GPC6: variants seen among roughly 807,000 people sequenced by gnomAD.
The protein encoded by GPC6 is glypican-6.
In GPC6, 14 loss-of-function variants were observed where a neutral mutation model predicts 55.2. That is an observed-to-expected ratio of 0.25 (90% CI 0.17 to 0.40). GPC6 has a LOEUF of 0.40. GPC6 is among the 10% of genes least tolerant of loss of function. GPC6 has a pLI of 1.00. For synonymous variants in GPC6, 278 were observed against 259.6 expected (o/e 1.07, Z -0.68); for missense variants, 641 against 708.5 (o/e 0.90, Z 1.08).
At chr13:93,313,664 T>A (rs1323225642) in intron 1 of GPC6, among the ~76,000 whole-genome samples, 1 of 152,132 alleles carries the variant, frequency 6.6e-6, no homozygotes, top group African/African-American at 2.4e-5. Context: ...TAATAGATTT[T>A]TTTTTTAAAG....
At chr13:93,783,527 CTGGGG>C (rs1395999832) in intron 2 of GPC6, among the ~76,000 whole-genome samples, 1 of 152,126 alleles carries the variant, frequency 6.6e-6, no homozygotes, top group Non-Finnish European at 1.5e-5. Context: ...GCCATTCTGA[CTGGGG>C]TGAGATTATT....
intron 3 of GPC6, among the ~76,000 whole-genome samples, chr13:93,895,234 G>GTGTGTGTGTGTGTATATA (rs1196315147): frequency 9.2e-6 from 1 of 108,208 alleles, no homozygotes; most frequent in African/African-American, 3.7e-5. Context: ...GTGTGTGTGT[G>GTGTGTGTGTGTGTATATA]TATATATATA....
intron 5 of GPC6, among the ~76,000 whole-genome samples, chr13:94,304,906 A>G (rs1337147305): frequency 1.3e-5 from 2 of 152,194 alleles, no homozygotes; most frequent in African/African-American, 4.8e-5. Flanking sequence ...TTTCTATACC[A>G]CTGCTCAAGA....
intron 3 of GPC6, among the ~76,000 whole-genome samples, chr13:93,967,331 T>C (rs1880094092): frequency 6.6e-6 from 1 of 152,200 alleles, no homozygotes; most frequent in Non-Finnish European, 1.5e-5. Flanking sequence ...TTAAAGTATT[T>C]GCCACGATGT....
intron 3 of GPC6, among the ~76,000 whole-genome samples, chr13:93,837,223 A>T (rs1296757310): frequency 6.6e-6 from 1 of 152,170 alleles, no homozygotes; most frequent in African/African-American, 2.4e-5. Flanking sequence ...TTCATGGTAA[A>T]ATTATACTAT....
chr13:93,458,090 C>CA, intron 1 of GPC6, among the ~76,000 whole-genome samples: 1 of 152,196 alleles, frequency 6.6e-6, no homozygotes, highest in Non-Finnish European at 1.5e-5. Flanking sequence ...CACAGATAAC[C>CA]ATGGTACAAG....
chr13:93,323,626 T>C (rs909877202), intron 1 of GPC6, among the ~76,000 whole-genome samples: 3 of 152,164 alleles, frequency 2.0e-5, no homozygotes, highest in African/African-American at 7.2e-5. Flanking sequence ...TTACTTACAT[T>C]ATATAATTGT....
intron 2 of GPC6, among the ~76,000 whole-genome samples, chr13:93,786,581 T>C (rs756017660): frequency 1.1e-4 from 16 of 151,646 alleles, no homozygotes; most frequent in South Asian, 4.2e-4. Flanking sequence ...AAATTTCCAG[T>C]TGAAAAAAAA....
chr13:93,804,867 C>T (rs569370326), intron 2 of GPC6, among the ~76,000 whole-genome samples: 35 of 152,302 alleles, frequency 2.3e-4, no homozygotes, highest in South Asian at 2.1e-4. Context: ...CCCTGAGTCT[C>T]CGTGAACTAG....
At chr13:93,711,396 G>A (rs752095189) in intron 2 of GPC6, among the ~76,000 whole-genome samples, 5 of 151,682 alleles carry the variant, frequency 3.3e-5, no homozygotes, top group East Asian at 2.0e-4. Context: ...GCAAGAACCC[G>A]CCCCCAAGAT....
chr13:94,272,625 C>T (rs527660729), intron 4 of GPC6, among the ~76,000 whole-genome samples: 13 of 151,768 alleles, frequency 8.6e-5, no homozygotes, highest in East Asian at 1.9e-4. Context: ...CCCGCCACCA[C>T]GCCCGGCTAA....
chr13:94,327,209 T>C (rs1346954509), intron 6 of GPC6, among the ~76,000 whole-genome samples: 1 of 152,214 alleles, frequency 6.6e-6, no homozygotes, highest in African/African-American at 2.4e-5. Context: ...TTCACGTAGC[T>C]GTAACGGTTT....
chr13:94,056,214 C>T (rs1428370065), intron 4 of GPC6, among the ~76,000 whole-genome samples: 2 of 152,128 alleles, frequency 1.3e-5, no homozygotes, highest in African/African-American at 4.8e-5. Flanking sequence ...CACTCTCTAA[C>T]CCCTTTTTTT....
chr13:93,963,283 A>G (rs543019898), intron 3 of GPC6, among the ~76,000 whole-genome samples: 9 of 152,202 alleles, frequency 5.9e-5, no homozygotes, highest in African/African-American at 1.9e-4. Context: ...ATGGCCACAC[A>G]TATTTTAGCT....
chr13:94,067,620 T>TAGATAGATAGATAGAC (rs879350059), intron 4 of GPC6, among the ~76,000 whole-genome samples: 2 of 120,928 alleles, frequency 1.7e-5, no homozygotes, highest in Non-Finnish European at 3.8e-5. Flanking sequence ...GATAGATAGA[T>TAGATAGATAGATAGAC]AGACAGACAG....
At chr13:94,219,079 G>A (rs748702181) in intron 4 of GPC6, among the ~76,000 whole-genome samples, 7 of 152,124 alleles carry the variant, frequency 4.6e-5, no homozygotes, top group African/African-American at 1.4e-4. Flanking sequence ...CTGTGTATTG[G>A]TGTCTTTAAC....
chr13:93,340,322 C>T (rs1319961524), intron 1 of GPC6, among the ~76,000 whole-genome samples: 1 of 152,126 alleles, frequency 6.6e-6, no homozygotes, highest in East Asian at 1.9e-4. Context: ...GCGTGAGCCA[C>T]CGTGCCCGGC....
At position 94,200,155 on chromosome 13, in the gene GPC6, TAAA is replaced by T. The variant is rs10708157; in HGVS notation, c.878-86179_878-86177del. Among the ~76,000 whole-genome samples, 120 of 137,176 alleles carry T rather than the reference TAAA, an allele frequency of 8.7e-4. 2 individuals are homozygous for T. The highest frequency in any genetic ancestry group is 3.1e-3 in the African/African-American group (117 of 38,018). The allele number at this position is 137,176 out of a possible 152,430, so 90.0% of individuals were successfully genotyped here. ...TGGGCAACAAGAGCAAAACTCTGTC[TAAA>T]AAAAAAAAAAAAAACCACATGTTTC... On this transcript the variant is annotated intron_variant, in intron 4 of 8. Coordinates refer to ENST00000377047, the MANE Select transcript of GPC6 (RefSeq NM_005708.5).
chr13:93,993,795 C>T (rs1433739401), intron 3 of GPC6, among the ~76,000 whole-genome samples: 1 of 152,048 alleles, frequency 6.6e-6, no homozygotes, highest in African/African-American at 2.4e-5. Flanking sequence ...CCAATTTAGC[C>T]ATTACATGAT....
Sources: allele counts gnomAD v4.1 joint callset (sites outside exome capture counted in the v4.1 genomes callset), GRCh38; gene constraint gnomAD v4.1.1; transcripts MANE v1.5; gene names NCBI Gene and HGNC (gene_info 2026-07-23, HGNC 2026-07-21).